The following COL19A1 variants were observed in gnomAD, a reference collection of about 807,000 sequenced individuals.
COL19A1 encodes the protein collagen alpha-1(XIX) chain.
A neutral mutation model predicts 190.2 loss-of-function variants in COL19A1; 159 were observed. That is an observed-to-expected ratio of 0.84 (90% CI 0.73 to 0.95). The LOEUF is 0.95. Ranked by LOEUF, COL19A1 falls within the 40% of genes least tolerant of loss-of-function variation. The pLI is 0.00. For synonymous variants in COL19A1, 509 were observed against 458.9 expected, an observed-to-expected ratio of 1.11 and a Z score of -1.39; for missense variants, 1,418 against 1,431.9, an observed-to-expected ratio of 0.99 and a Z score of 0.16.
intron 14 of COL19A1, among the ~76,000 whole-genome samples, chr6:70,063,774 A>AT (rs927020911): frequency 6.6e-6 from 1 of 152,210 alleles, no homozygotes; most frequent in African/African-American, 2.4e-5. Flanking sequence ...AATAGATGCA[A>AT]TAAAAAATGA....
chr6:70,140,554 A>T (rs1235761741), intron 19 of COL19A1, among the ~76,000 whole-genome samples: 1 of 152,080 alleles, frequency 6.6e-6, no homozygotes, highest in African/African-American at 2.4e-5. Context: ...AACTGGAAGA[A>T]TTCAAGTGAA....
At chr6:70,048,178 A>G (rs1780008181) in intron 14 of COL19A1, among the ~76,000 whole-genome samples, 2 of 152,116 alleles carry the variant, frequency 1.3e-5, no homozygotes, top group Admixed American at 6.6e-5. Context: ...CTTTTACTCT[A>G]AGAAAACTAC....
chr6:70,116,104 T>C (rs962267837), intron 16 of COL19A1, among the ~76,000 whole-genome samples: 4 of 152,178 alleles, frequency 2.6e-5, no homozygotes, highest in Non-Finnish European at 5.9e-5. Context: ...TTACAACTTA[T>C]ATGTTGTAAT....
At chr6:70,184,670 A>C in intron 44 of COL19A1, 33 bp from the exon 45 acceptor site, 1 of 1,535,792 alleles carries the variant, frequency 6.5e-7, no homozygotes, top group Non-Finnish European at 8.9e-7. Context: ...GTTAATGCAG[A>C]GTTAGAAATA....
chr6:70,159,449 C>A (rs1787647845), intron 34 of COL19A1, among the ~76,000 whole-genome samples: 1 of 151,378 alleles, frequency 6.6e-6, no homozygotes, highest in South Asian at 2.1e-4. Flanking sequence ...CACAGCACTG[C>A]CAATGAGATT....
At position 70,052,788 on chromosome 6, in the gene COL19A1, G is replaced by C. The variant is rs563425095; in HGVS notation, c.1171-15635G>C. 2.0e-5 allele frequency among the ~76,000 whole-genome samples: 3 copies of C among 152,252 alleles called. No homozygotes were observed. The South Asian group carries it at 6.2e-4, about 32-fold the overall frequency. ...ATCTTATTTTCTAAAGATTTATTTG[G>C]AAGTGCAAGTAGAATATATTAGAAG... On this transcript the variant is annotated intron_variant, in intron 14 of 50. Coordinates refer to ENST00000620364, the MANE Select transcript of COL19A1 (RefSeq NM_001858.6).
intron 16 of COL19A1, 48 bp downstream of exon 16, chr6:70,102,270 G>A (rs1304615136): frequency 7.5e-7 from 1 of 1,337,554 alleles, no homozygotes; most frequent in Non-Finnish European, 1.1e-6. Flanking sequence ...CTGTCTTTAT[G>A]TCTGTGTGTT....
chr6:70,178,379 A>G (rs1156941127), intron 42 of COL19A1, among the ~76,000 whole-genome samples: 1 of 152,204 alleles, frequency 6.6e-6, no homozygotes, highest in Admixed American at 6.5e-5. Flanking sequence ...CTGTCTCAAA[A>G]AATAAAATAA....
intron 16 of COL19A1, among the ~76,000 whole-genome samples, chr6:70,106,298 A>G (rs2150193122): frequency 6.6e-6 from 1 of 151,370 alleles, no homozygotes; most frequent in East Asian, 1.9e-4. Context: ...TTGTTTACCA[A>G]AATAATTTCT....
Position 70,165,989 on chromosome 6 carries a change from AGTT to A in COL19A1, c.2445+8_2445+10del. 2 of 1,613,454 alleles carry A rather than the reference AGTT, an allele frequency of 1.2e-6. No individual in the cohort carries two copies. Among genetic ancestry groups the A allele is most frequent in the Non-Finnish European group, 1.7e-6 (2 of 1,179,484 alleles). ...ACCCGGACCACCTGGACCACCTGTG[AGTT>A]GTTCTAGGCTTAAAATTTAAAATTC... is the stretch of plus-strand genomic sequence containing the variant. On this transcript the variant is annotated splice_donor_5th_base_variant and intron_variant, in intron 37 of 50. Transcript: ENST00000620364.
intron 16 of COL19A1, among the ~76,000 whole-genome samples, chr6:70,117,138 G>A (rs1330933855): frequency 6.6e-6 from 1 of 152,188 alleles, no homozygotes; most frequent in African/African-American, 2.4e-5. Flanking sequence ...TTCACAATGT[G>A]CAGAGTGTGC....
chr6:70,108,172 C>G (rs1170639377), intron 16 of COL19A1, among the ~76,000 whole-genome samples: 1 of 152,144 alleles, frequency 6.6e-6, no homozygotes, highest in Admixed American at 6.6e-5. Flanking sequence ...TTAGCCCATC[C>G]ATTTGACATT....
At chr6:69,930,604 G>A (rs929010540) in intron 6 of COL19A1, among the ~76,000 whole-genome samples, 1 of 152,044 alleles carries the variant, frequency 6.6e-6, no homozygotes, top group African/African-American at 2.4e-5. Flanking sequence ...AGATGACGAG[G>A]TCAGGAGATC....
At chr6:69,992,858 AGAT>A (rs1776705087) in intron 11 of COL19A1, among the ~76,000 whole-genome samples, 1 of 151,338 alleles carries the variant, frequency 6.6e-6, no homozygotes, top group Non-Finnish European at 1.5e-5. Flanking sequence ...ATTTGGGCAG[AGAT>A]TATGGGGTTT....
At chr6:69,937,122 C>T (rs1235171216) in intron 8 of COL19A1, among the ~76,000 whole-genome samples, 9 of 152,072 alleles carry the variant, frequency 5.9e-5, no homozygotes, top group African/African-American at 2.2e-4. Flanking sequence ...GAACTTCCTT[C>T]CAGGGTGTGA....
At chr6:70,025,810 T>C (rs1044795903) in intron 12 of COL19A1, among the ~76,000 whole-genome samples, 6 of 152,166 alleles carry the variant, frequency 3.9e-5, no homozygotes, top group African/African-American at 1.4e-4. Context: ...TATAAGTAAT[T>C]AGAGTCTAAG....
At position 70,184,780 on chromosome 6, in the gene COL19A1, T is replaced by C. The variant is rs73746894; in HGVS notation, c.2811+42T>C. On this transcript the variant is annotated intron_variant, in intron 45 of 50. Transcript: ENST00000620364. Reference sequence around the variant, plus strand: ...TTAAAATAAAAGTTATAATGCATACTGCATCCAGAATACCTACCAACATTT... The same window carrying C: ...TTAAAATAAAAGTTATAATGCATACCGCATCCAGAATACCTACCAACATTT... 8.1e-5 allele frequency: 130 copies of C among 1,602,848 alleles called. No individual in the cohort carries two copies. In the African/African-American group the frequency reaches 1.6e-3, roughly 20 times the overall value.
intron 2 of COL19A1, among the ~76,000 whole-genome samples, chr6:69,893,301 G>A (rs181662880): frequency 1.9e-3 from 283 of 152,256 alleles, no homozygotes; most frequent in Middle Eastern, 0.01. Flanking sequence ...CAGTTCTATA[G>A]CTTATTAGAA....
At chr6:70,076,574 G>A (rs9446187) in intron 15 of COL19A1, among the ~76,000 whole-genome samples, 29,075 of 152,120 alleles carry the variant, frequency 0.19, 4,005 homozygotes, top group African/African-American at 0.36. Flanking sequence ...AGGGACCAGG[G>A]GGAGAGTCAG....
Sources: allele counts gnomAD v4.1 joint callset (sites outside exome capture counted in the v4.1 genomes callset), GRCh38; gene constraint gnomAD v4.1.1; transcripts MANE v1.5; gene names NCBI Gene and HGNC (gene_info 2026-07-23, HGNC 2026-07-21).